The following ZNF700 variants were observed in gnomAD, a reference collection of about 807,000 sequenced individuals.
ZNF700 encodes zinc finger protein 700.
A neutral mutation model predicts 65.3 loss-of-function variants in ZNF700; 38 were observed. The observed-to-expected ratio is 0.58, with a 90% CI of 0.45 to 0.76. The LOEUF (loss-of-function observed/expected upper bound fraction) is 0.76, where lower values mean the gene tolerates loss of function less well. Ranked by LOEUF, ZNF700 falls within the 30% of genes least tolerant of loss-of-function variation. The pLI is 0.00. For missense variants in ZNF700, 857 were observed against 888.4 expected, an observed-to-expected ratio of 0.96 and a Z score of 0.45; for synonymous variants, 285 against 290.4, an observed-to-expected ratio of 0.98 and a Z score of 0.19.
At chr19:11,947,128 C>G in intron 1 of ZNF700, 53 bp from the exon 2 acceptor site, 1 of 1,597,432 alleles carries the variant, frequency 6.3e-7, no homozygotes, top group South Asian at 1.1e-5. Flanking sequence ...GAGTCTAGGC[C>G]TCCAGTGCTG....
At position 11,935,009 on chromosome 19, in the gene ZNF700, C is replaced by G. The variant is rs1473737136; in HGVS notation, c.63+9736C>G. On this transcript the variant is annotated intron_variant, in intron 1 of 3. Transcript: ENST00000254321. ...TGGCTAACACTGTGAAACCCCGTCT[C>G]TACTAAAAATAGAAAAAATTAGCCA... 1.5e-4 allele frequency among the ~76,000 whole-genome samples: 22 copies of G among 145,874 alleles called. 4 individuals carry two copies. The highest frequency in any genetic ancestry group is 6.0e-4 in the African/African-American group (22 of 36,550).
intron 3 of ZNF700, 128 bp downstream of exon 3, chr19:11,947,702 C>CA: frequency 1.0e-6 from 1 of 985,204 alleles, no homozygotes; most frequent in Non-Finnish European, 1.5e-6. Context: ...AATATTTTCT[C>CA]AAAAAACATA....
At chr19:11,940,276 C>T (rs904268753) in intron 1 of ZNF700, among the ~76,000 whole-genome samples, 12 of 152,170 alleles carry the variant, frequency 7.9e-5, no homozygotes, top group Admixed American at 2.0e-4. Context: ...GTATTGTGTC[C>T]GGAATTGGTG....
chr19:11,949,850 A>T lies in ZNF700; in HGVS notation c.1826A>T (p.Lys609Met), dbSNP rs751269268. ...TTCAGTTGTGCCTCAAACCTTCGAA[A>T]GCATGGTAGGACTCACACTGGAGAG... ...KAFSCASNLR[K>M]HGRTHTGEKP... Residue 609 changes from lysine to methionine, a missense_variant, in exon 4 of 4, where the codon AAG (lysine) becomes ATG (methionine). Physicochemically the swap from Lys to Met is moderately conservative, Grantham distance 95. Transcript: ENST00000254321. 6.9e-6 allele frequency: 11 copies of T among 1,604,028 alleles called. No individual in the cohort carries two copies. In the Admixed American group the frequency reaches 1.9e-4, roughly 27 times the overall value.
chr19:11,944,643 C>G (rs1412846978), intron 1 of ZNF700, among the ~76,000 whole-genome samples: 2 of 152,240 alleles, frequency 1.3e-5, no homozygotes, highest in East Asian at 3.8e-4. Flanking sequence ...TATGTACACA[C>G]AAGAACTAGT....
intron 1 of ZNF700, among the ~76,000 whole-genome samples, chr19:11,935,340 G>A (rs979390286): frequency 2.1e-5 from 3 of 145,650 alleles, no homozygotes; most frequent in Non-Finnish European, 4.5e-5. Context: ...AGGTTCAAGT[G>A]ATTCATCTGC....
Position 11,949,001 on chromosome 19 carries a change from G to A in ZNF700, c.977G>A (p.Arg326Lys), listed in dbSNP as rs1232443658. ...ACCAGTTCTCTTCGTAGACATGAAA[G>A]GACCCACTCTGGGAAAAAACCGTAT... ...AYTSSLRRHE[R>K]THSGKKPYEC... Residue 326 changes from arginine to lysine, a missense_variant, in exon 4 of 4, where the codon AGG (arginine) becomes AAG (lysine). Physicochemically the swap from Arg to Lys is conservative, Grantham distance 26. Transcript: ENST00000254321. 6.2e-7 allele frequency: 1 copy of A among 1,606,962 alleles called. No individual in the cohort carries two copies. Among genetic ancestry groups the A allele is most frequent in the Non-Finnish European group, 8.5e-7 (1 of 1,178,556 alleles).
intron 1 of ZNF700, among the ~76,000 whole-genome samples, chr19:11,936,493 G>A (rs1223960088): frequency 6.6e-6 from 1 of 152,180 alleles, no homozygotes; most frequent in Non-Finnish European, 1.5e-5. Context: ...CTTCTTTTGA[G>A]AAATGTCTGT....
At chr19:11,934,557 G>A (rs546820073) in intron 1 of ZNF700, among the ~76,000 whole-genome samples, 3 of 146,862 alleles carry the variant, frequency 2.0e-5, no homozygotes, top group East Asian at 3.9e-4. Context: ...ATGCAGTTTC[G>A]CTTTTGTTTC....
chr19:11,928,173 G>A (rs983687641), intron 1 of ZNF700, among the ~76,000 whole-genome samples: 20 of 151,968 alleles, frequency 1.3e-4, no homozygotes, highest in Admixed American at 6.6e-4. Flanking sequence ...TTTTACAGAG[G>A]TTAGGTCTCG....
chr19:11,930,747 T>C (rs372807123), intron 1 of ZNF700, among the ~76,000 whole-genome samples: 2 of 148,336 alleles, frequency 1.3e-5, no homozygotes, highest in East Asian at 3.9e-4. Context: ...ACGCCTGTAA[T>C]ACCAGCACTT....
At chr19:11,944,776 T>C (rs2145296145) in intron 1 of ZNF700, among the ~76,000 whole-genome samples, 1 of 152,356 alleles carries the variant, frequency 6.6e-6, no homozygotes, top group Middle Eastern at 3.4e-3. Flanking sequence ...CATTGTGTTG[T>C]TGGCAGGTAA....
At chr19:11,935,639 G>T (rs930418920) in intron 1 of ZNF700, among the ~76,000 whole-genome samples, 4 of 151,930 alleles carry the variant, frequency 2.6e-5, no homozygotes, top group African/African-American at 9.7e-5. Context: ...CAATTATTTT[G>T]TCCCAGTCTG....
In ZNF700 at chr19:11,925,216, C is replaced by T. The variant is rs1178882190; in HGVS notation, c.6C>T (p.Pro2=). The T allele has an allele frequency of 6.2e-7, 1 of 1,612,720 alleles. No individual in the cohort carries two copies. Among genetic ancestry groups the T allele is most frequent in the African/African-American group, 1.3e-5 (1 of 74,902 alleles). M[P]CCSHRSCRED... ...GTCGCTCTGTCGCCTGCGCTATGCCCTGCTGTAGTCACAGGAGCTGTAGAG... is the reference window on the plus strand; with the variant it reads ...GTCGCTCTGTCGCCTGCGCTATGCCTTGCTGTAGTCACAGGAGCTGTAGAG... Residue 2 remains proline (P), a synonymous_variant, in exon 1 of 4, where the codon CCC becomes CCT. Transcript: ENST00000254321.
chr19:11,926,490 G>C (rs1972630062), intron 1 of ZNF700: 1 of 152,494 alleles, frequency 6.6e-6, no homozygotes, highest in Non-Finnish European at 1.5e-5. Flanking sequence ...CCGGGTTCAA[G>C]TGATTCTCCT....
intron 1 of ZNF700, among the ~76,000 whole-genome samples, chr19:11,940,487 G>A (rs969426395): frequency 1.3e-5 from 2 of 152,028 alleles, no homozygotes; most frequent in African/African-American, 2.4e-5. Context: ...AGCTCTTAAG[G>A]CAGCGCGTCT....
At chr19:11,935,699 CTTTG>C (rs1444559926) in intron 1 of ZNF700, among the ~76,000 whole-genome samples, 3 of 152,076 alleles carry the variant, frequency 2.0e-5, no homozygotes, top group South Asian at 2.1e-4. Flanking sequence ...GACAGTTTTA[CTTTG>C]TTTGTTTTGT....
At chr19:11,933,787 G>A (rs1222244368) in intron 1 of ZNF700, among the ~76,000 whole-genome samples, 5 of 145,540 alleles carry the variant, frequency 3.4e-5, no homozygotes, top group Non-Finnish European at 7.4e-5. Context: ...GGAGCTTGCA[G>A]TGAGCTGAGA....
chr19:11,938,089 G>C lies in ZNF700; in HGVS notation c.64-9092G>C, dbSNP rs116060468. On this transcript the variant is annotated intron_variant, in intron 1 of 3. Transcript: ENST00000254321. Reference sequence around the variant, plus strand: ...TCTTGTCGTTTTTTGTTCGTTTGGAGACGGAGTCTCACTCTGTCATCCAGG... The same window carrying C: ...TCTTGTCGTTTTTTGTTCGTTTGGACACGGAGTCTCACTCTGTCATCCAGG... Among the ~76,000 whole-genome samples, 830 of 151,954 alleles carry C rather than the reference G, an allele frequency of 5.5e-3. 6 individuals are homozygous for C. Among genetic ancestry groups the C allele is most frequent in the African/African-American group, 0.02 (811 of 41,434 alleles).
Sources: gnomAD v4.1 joint callset for allele counts (sites outside exome capture counted in the v4.1 genomes callset) on GRCh38, gnomAD v4.1.1 for gene constraint, MANE v1.5 for transcripts, NCBI Gene and HGNC (gene_info 2026-07-23, HGNC 2026-07-21) for gene names.